The following TTLL2 variants were observed in gnomAD, a reference collection of about 807,000 sequenced individuals.
TTLL2 encodes the protein tubulin tyrosine ligase like 2.
TTLL2 carries 10 observed loss-of-function variants against 7.5 expected under a neutral mutation model. The ratio of observed to expected loss-of-function variants is 1.33; its 90% CI spans 0.82 to 2.25. The LOEUF (loss-of-function observed/expected upper bound fraction) is 2.25, where lower values mean the gene tolerates loss of function less well. Among genes scored for constraint, TTLL2 ranks in the 30% most tolerant of loss-of-function variants. The pLI is 0.00. For synonymous variants in TTLL2, 284 were observed against 280.3 expected, an observed-to-expected ratio of 1.01 and a Z score of -0.13; for missense variants, 733 against 735.7, an observed-to-expected ratio of 1.00 and a Z score of 0.04.
At position 167,341,918 on chromosome 6, in the gene TTLL2, T is replaced by G; in HGVS notation, c.*239T>G. On this transcript the variant is annotated 3_prime_UTR_variant, in exon 3 of 3. Transcript: ENST00000239587. Reference sequence around the variant, plus strand: ...ATTTGCTCAGGTGTCTTGAAAGAATTCTACAAATACCACACAGCCTCCCAC... The same window carrying G: ...ATTTGCTCAGGTGTCTTGAAAGAATGCTACAAATACCACACAGCCTCCCAC... The G allele has an allele frequency of 2.0e-6, 1 of 501,218 alleles. No homozygotes were observed. Among genetic ancestry groups the G allele is most frequent in the East Asian group, 3.4e-5 (1 of 29,706 alleles). 31.0% of individuals were successfully genotyped at this position (501,218 alleles called of 1,614,324 possible).
rs764863210 is a variant in TTLL2 at position 167,340,506 on chromosome 6, G to A, written c.606G>A (p.Leu202=). 2.8e-5 allele frequency: 46 copies of A among 1,614,054 alleles called. No individual in the cohort carries two copies. The highest frequency in any genetic ancestry group is 6.7e-5 in the Admixed American group (4 of 60,006). The part of the protein sequence containing the change: ...VAEYFQERQM[L]GTKHSYWICK... ...AATACTTTCAGGAGAGGCAGATGCT[G>A]GGCACCAAGCATAGCTATTGGATTT... The change falls in exon 3 of 3, where the codon CTG becomes CTA. Residue 202 remains leucine (L), a synonymous_variant. Coordinates refer to ENST00000239587, the MANE Select transcript of TTLL2 (RefSeq NM_031949.5).
At chr6:167,329,497 G>T (rs1340023744) in intron 1 of TTLL2, among the ~76,000 whole-genome samples, 1 of 152,158 alleles carries the variant, frequency 6.6e-6, no homozygotes, top group African/African-American at 2.4e-5. Context: ...AAATTGACAG[G>T]TGTCCCAGCT....
rs767053944 is a variant in TTLL2, at chr6:167,341,245, G to A, written c.1345G>A (p.Ala449Thr). 3.0e-5 allele frequency: 48 copies of A among 1,613,600 alleles called. No individual in the cohort carries two copies. Among genetic ancestry groups the A allele is most frequent in the Non-Finnish European group, 2.2e-5 (26 of 1,179,994 alleles). ...AAKSDRGGLD[A>T]PDCLPYDSLS... is the part of the protein sequence containing the mutation. Reference sequence around the variant, plus strand: ...AAAAAGTGACAGAGGTGGGCTTGATGCTCCTGACTGTCTTCCTTATGATTC... The same window carrying A: ...AAAAAGTGACAGAGGTGGGCTTGATACTCCTGACTGTCTTCCTTATGATTC... Residue 449 changes from alanine to threonine, a missense_variant, in exon 3 of 3, where the codon GCT becomes ACT. Ala to Thr is a moderately conservative substitution (Grantham distance 58). Coordinates refer to ENST00000239587, the MANE Select transcript of TTLL2 (RefSeq NM_031949.5).
rs1344380015 is a variant in TTLL2 at position 167,325,238 on chromosome 6, C to T, written c.47+18C>T. On this transcript the variant is annotated intron_variant, in intron 1 of 2. Transcript: ENST00000239587. ...GCGCTGGGGTAAGCGTAGGAGGCGACACGTAGGATGGGAGGGTGGCCCCGA... is the reference window on the plus strand; with the variant it reads ...GCGCTGGGGTAAGCGTAGGAGGCGATACGTAGGATGGGAGGGTGGCCCCGA... 4 of 1,545,244 alleles carry T rather than the reference C, an allele frequency of 2.6e-6. No individual in the cohort carries two copies. The highest frequency in any genetic ancestry group is 2.5e-5 in the East Asian group (1 of 40,464).
chr6:167,338,913 T>C (rs1779032464), intron 2 of TTLL2, 110 bp downstream of exon 2: 1 of 1,156,952 alleles, frequency 8.6e-7, no homozygotes, highest in African/African-American at 1.6e-5. Context: ...CTTCTTCTTT[T>C]TCTTTCCTCC....
At chr6:167,330,306 C>T (rs1261902310) in intron 1 of TTLL2, among the ~76,000 whole-genome samples, 1 of 152,100 alleles carries the variant, frequency 6.6e-6, no homozygotes, top group South Asian at 2.1e-4. Flanking sequence ...TCCTGTAGCC[C>T]CAGCACTTTG....
At position 167,340,931 on chromosome 6, in the gene TTLL2, A is replaced by C. The variant is rs146295287; in HGVS notation, c.1031A>C (p.Lys344Thr). Residue 344 changes from lysine to threonine, a missense_variant, in exon 3 of 3, where the codon AAA becomes ACA. Physicochemically the swap from Lys to Thr is moderately conservative, Grantham distance 78. Transcript: ENST00000239587. ...GTGGACGATCTGCTTTTGTGGAAGA[A>C]AATCCACCGCATGGTTATTCTCACC... ...WDVDDLLLWKKIHRMVILTIL... is the reference protein window; with the variant it reads ...WDVDDLLLWKTIHRMVILTIL... 7.1e-4 allele frequency: 1,147 copies of C among 1,614,102 alleles called. 15 individuals are homozygous for C. In the South Asian group the frequency reaches 8.1e-3, roughly 11 times the overall value.
chr6:167,341,479 C>G lies in TTLL2; in HGVS notation c.1579C>G (p.Leu527Val). ...CAAGACACTCATGCCCTACGCGTCC[C>G]TCTTCCAGTCGCACTCCTGCAAGAC... ...PHKTLMPYAS[L>V]FQSHSCKTKT... The change falls in exon 3 of 3, where the codon CTC becomes GTC. Residue 527 changes from leucine to valine, a missense_variant. By Grantham distance (32) the Leu-to-Val change is conservative. Coordinates refer to ENST00000239587, the MANE Select transcript of TTLL2 (RefSeq NM_031949.5). 6.2e-7 allele frequency: 1 copy of G among 1,614,134 alleles called. No homozygotes were observed. Among genetic ancestry groups the G allele is most frequent in the East Asian group, 2.2e-5 (1 of 44,862 alleles).
In TTLL2 at chr6:167,342,059, G is replaced by A. The variant is rs1293314453; in HGVS notation, c.*380G>A. 2 of 163,974 alleles carry A rather than the reference G, an allele frequency of 1.2e-5. No homozygotes were observed. The highest frequency in any genetic ancestry group is 2.4e-5 in the African/African-American group (1 of 41,806). 10.2% of individuals were successfully genotyped at this position (163,974 alleles called of 1,614,324 possible). ...GTGAAAACAGTACAAAAGAAGCCAG[G>A]AGTTAACTTTCTGTGTGTTTTTTTT... On this transcript the variant is annotated 3_prime_UTR_variant, in exon 3 of 3. Transcript: ENST00000239587.
chr6:167,339,963 C>A, intron 2 of TTLL2, 142 bp from the exon 3 acceptor site: 1 of 795,554 alleles, frequency 1.3e-6, no homozygotes, highest in Non-Finnish European at 2.0e-6. Context: ...GGTGAAGAGA[C>A]GTGGGTGTCC....
In TTLL2 at chr6:167,341,716, T is replaced by C. The variant is rs1203469922; in HGVS notation, c.*37T>C. On this transcript the variant is annotated 3_prime_UTR_variant, in exon 3 of 3. Transcript: ENST00000239587. ...TCAAATCAAGAAAAAGTGACATGGA[T>C]TTTTAAAAACCAAGGATCCTGTCCT... is the stretch of plus-strand genomic sequence containing the variant. 4.5e-6 allele frequency: 7 copies of C among 1,551,106 alleles called. No homozygotes were observed. Among genetic ancestry groups the C allele is most frequent in the East Asian group, 4.5e-5 (2 of 44,196 alleles).
At chr6:167,338,215 CACACAACAT>C (rs1779016292) in intron 1 of TTLL2, among the ~76,000 whole-genome samples, 1 of 152,036 alleles carries the variant, frequency 6.6e-6, no homozygotes, top group Admixed American at 6.6e-5. Flanking sequence ...ACACACAACA[CACACAACAT>C]ACACACAACA....
At chr6:167,325,904 C>G (rs1308665918) in intron 1 of TTLL2, among the ~76,000 whole-genome samples, 5 of 152,178 alleles carry the variant, frequency 3.3e-5, no homozygotes, top group African/African-American at 1.2e-4. Flanking sequence ...CACTGGGCTC[C>G]TGTTGTCACA....
intron 1 of TTLL2, among the ~76,000 whole-genome samples, chr6:167,333,892 AG>A (rs1778953192): frequency 1.7e-5 from 2 of 115,824 alleles, no homozygotes; most frequent in Admixed American, 9.3e-5. Flanking sequence ...TCAAAAAACC[AG>A]CTCCTGGATT....
chr6:167,331,959 C>T (rs1447497401), intron 1 of TTLL2, among the ~76,000 whole-genome samples: 1 of 152,138 alleles, frequency 6.6e-6, no homozygotes, highest in East Asian at 1.9e-4. Context: ...CTGTATGATT[C>T]GTGAATCATT....
Position 167,340,511 on chromosome 6 carries a change from C to G in TTLL2, c.611C>G (p.Thr204Ser). The change falls in exon 3 of 3, where the codon ACC becomes AGC. Residue 204 changes from threonine (T) to serine (S), a missense_variant. Physicochemically the swap from Thr to Ser is moderately conservative, Grantham distance 58. Transcript: ENST00000239587. ...TTTCAGGAGAGGCAGATGCTGGGCACCAAGCATAGCTATTGGATTTGCAAG... is the reference window on the plus strand; with the variant it reads ...TTTCAGGAGAGGCAGATGCTGGGCAGCAAGCATAGCTATTGGATTTGCAAG... ...EYFQERQMLG[T>S]KHSYWICKPA... The G allele has an allele frequency of 6.2e-7, 1 of 1,614,116 alleles. No individual in the cohort carries two copies. The highest frequency in any genetic ancestry group is 8.5e-7 in the Non-Finnish European group (1 of 1,180,040).
chr6:167,341,421 C>G lies in TTLL2; in HGVS notation c.1521C>G (p.Ser507Arg), dbSNP rs1370360967. 8.1e-6 allele frequency: 13 copies of G among 1,614,004 alleles called. 1 individual carries two copies. In the South Asian group the frequency reaches 1.4e-4, roughly 18 times the overall value. ...FHLSTREMPQ[S>R]KPKLRSRHTP... ...TGTCAACAAGGGAGATGCCACAAAG[C>G]AAGCCCAAGTTACGGAGCAGGCACA... The change falls in exon 3 of 3, where the codon AGC becomes AGG. Residue 507 changes from serine to arginine, a missense_variant. By Grantham distance (110) the Ser-to-Arg change is moderately radical. Transcript: ENST00000239587.
rs780669938 is a variant in TTLL2, at chr6:167,338,803, G to A, written c.204G>A (p.Lys68=). Residue 68 remains lysine (K), a splice_region_variant and synonymous_variant, in exon 2 of 3, where the codon AAG becomes AAA. Transcript: ENST00000239587. ...RGRPTPTLEK[K]KKPHLMAEDE... ...GCCCAACACCAACACTGGAGAAGAAGGTGGGTGGGCAAGCCAGGTAGTTCC... is the reference window on the plus strand; with the variant it reads ...GCCCAACACCAACACTGGAGAAGAAAGTGGGTGGGCAAGCCAGGTAGTTCC... 5.5e-5 allele frequency: 88 copies of A among 1,593,592 alleles called. No homozygotes were observed. Among genetic ancestry groups the A allele is most frequent in the Middle Eastern group, 1.7e-4 (1 of 5,958 alleles).
chr6:167,335,268 G>T (rs1185464044), intron 1 of TTLL2, among the ~76,000 whole-genome samples: 1 of 149,990 alleles, frequency 6.7e-6, no homozygotes, highest in African/African-American at 2.5e-5. Flanking sequence ...AAACCACTAT[G>T]AGATTCCATC....
Sources: gnomAD v4.1 joint callset for allele counts (sites outside exome capture counted in the v4.1 genomes callset) on GRCh38, gnomAD v4.1.1 for gene constraint, MANE v1.5 for transcripts, NCBI Gene and HGNC (gene_info 2026-07-23, HGNC 2026-07-21) for gene names.